The following BIRC6 variants were observed in gnomAD, a reference collection of about 807,000 sequenced individuals.
The protein encoded by BIRC6 is dual E2 ubiquitin-conjugating enzyme/E3 ubiquitin-protein ligase BIRC6.
Under a neutral mutation model 503.3 loss-of-function variants are expected in BIRC6, and 98 were observed. The ratio of observed to expected loss-of-function variants is 0.19; its 90% CI spans 0.17 to 0.23. BIRC6 has a LOEUF of 0.23. BIRC6 is among the 10% of genes least tolerant of loss of function. The probability of loss-of-function intolerance (pLI) is 1.00; values close to 1 mark genes in which losing one functional copy is unlikely to be tolerated. For synonymous variants in BIRC6, 2,240 were observed against 2,078.7 expected, an observed-to-expected ratio of 1.08 and a Z score of -2.11; for missense variants, 5,360 against 5,806.0, an observed-to-expected ratio of 0.92 and a Z score of 2.50.
rs1242727977 is a variant in BIRC6, at chr2:32,509,878, A to C, written c.10121A>C (p.His3374Pro). 1.2e-6 allele frequency: 2 copies of C among 1,613,866 alleles called. No individual in the cohort carries two copies. The highest frequency in any genetic ancestry group is 1.7e-6 in the Non-Finnish European group (2 of 1,179,888). ...TTGATGTCACCTTACTGTGGAATGC[A>C]TTCACCCAACATCGAGGTTGTGCTT... ...ALLMSPYCGM[H>P]SPNIEVVLVK... The change falls in exon 52 of 74, where the codon CAT becomes CCT. Residue 3374 changes from histidine (H) to proline (P), a missense_variant. Around this residue, in one of 16 missense-constraint regions of BIRC6, gnomAD observed 878 missense variants for 928.9 expected, o/e 0.95. Coordinates refer to ENST00000421745, the MANE Select transcript of BIRC6 (RefSeq NM_016252.4).
chr2:32,383,030 A>C (rs2037912477), intron 3 of BIRC6, among the ~76,000 whole-genome samples: 1 of 148,656 alleles, frequency 6.7e-6, no homozygotes, highest in Admixed American at 6.8e-5. Flanking sequence ...CCTGGTCCTC[A>C]GTTTATTTAA....
chr2:32,561,815 G>C (rs930314815), intron 65 of BIRC6, among the ~76,000 whole-genome samples: 1 of 150,428 alleles, frequency 6.6e-6, no homozygotes, highest in Non-Finnish European at 1.5e-5. Flanking sequence ...AGGCTGAGGC[G>C]GGCGGATCAC....
intron 6 of BIRC6, among the ~76,000 whole-genome samples, chr2:32,399,808 G>A (rs1178764203): frequency 6.6e-6 from 1 of 151,590 alleles, no homozygotes; most frequent in African/African-American, 2.4e-5. Flanking sequence ...ATTTTTTAGA[G>A]ACAGGGTCTT....
chr2:32,491,704 A>T (rs1233077562), intron 44 of BIRC6, 146 bp downstream of exon 44: 2 of 867,022 alleles, frequency 2.3e-6, no homozygotes, highest in Non-Finnish European at 3.4e-6. Flanking sequence ...GTTATTTGTA[A>T]TAATAGCTAT....
intron 49 of BIRC6, among the ~76,000 whole-genome samples, chr2:32,504,695 T>A (rs1006900904): frequency 6.6e-6 from 1 of 150,790 alleles, no homozygotes; most frequent in Non-Finnish European, 1.5e-5. Context: ...AAATAAATAA[T>A]AAAAAAAATT....
At chr2:32,600,623 G>A (rs1458606495) in intron 70 of BIRC6, among the ~76,000 whole-genome samples, 3 of 152,164 alleles carry the variant, frequency 2.0e-5, no homozygotes, top group African/African-American at 7.2e-5. Context: ...TTGAGACACT[G>A]GAACTTGAAT....
At chr2:32,538,089 A>G (rs918166950) in intron 61 of BIRC6, among the ~76,000 whole-genome samples, 9 of 152,344 alleles carry the variant, frequency 5.9e-5, no homozygotes, top group African/African-American at 1.9e-4. Context: ...ATTAGCGTCT[A>G]TACTGCTTTT....
intron 10 of BIRC6, among the ~76,000 whole-genome samples, chr2:32,423,649 T>C (rs2043171557): frequency 6.6e-6 from 1 of 152,210 alleles, no homozygotes; most frequent in Admixed American, 6.5e-5. Flanking sequence ...TGCCAAATAA[T>C]ATTCCATTAC....
At chr2:32,419,700 T>A (rs1031024191) in intron 10 of BIRC6, among the ~76,000 whole-genome samples, 2 of 152,144 alleles carry the variant, frequency 1.3e-5, no homozygotes, top group Admixed American at 6.5e-5. Flanking sequence ...CAATACTGAA[T>A]ATAAATATGA....
intron 65 of BIRC6, among the ~76,000 whole-genome samples, chr2:32,574,160 C>CTTTTTT (rs1055060322): frequency 1.3e-4 from 16 of 124,674 alleles, no homozygotes; most frequent in Non-Finnish European, 1.8e-4. Flanking sequence ...ATAACTTTTT[C>CTTTTTT]TTTTTTTTTT....
At position 32,595,044 on chromosome 2, in the gene BIRC6, G is replaced by A. The variant is rs914041808; in HGVS notation, c.13512G>A (p.Leu4504=). Residue 4504 remains leucine (L), a synonymous_variant, in exon 68 of 74, where the codon CTG becomes CTA. Transcript: ENST00000421745. ...AATATTAAATAACAGAAAAAAAACT[G>A]GGTGAATACTCCAAGAAGGCGGCTA... ...SLRQANQEKK[L]GEYSKKAAMK... The A allele has an allele frequency of 1.9e-6, 3 of 1,580,654 alleles. No homozygotes were observed. Among genetic ancestry groups the A allele is most frequent in the African/African-American group, 2.7e-5 (2 of 73,350 alleles).
intron 15 of BIRC6, among the ~76,000 whole-genome samples, chr2:32,438,852 G>A (rs528927117): frequency 1.3e-5 from 2 of 152,190 alleles, no homozygotes; most frequent in East Asian, 1.9e-4. Flanking sequence ...GAGCCACTGC[G>A]CCCGGCCTAT....
In BIRC6 at chr2:32,523,856, A is replaced by C. The variant is rs72855981; in HGVS notation, c.11624-1032A>C. Among the ~76,000 whole-genome samples, 758 of 152,244 alleles carry C rather than the reference A, an allele frequency of 5.0e-3. 5 individuals are homozygous for C. Among genetic ancestry groups the C allele is most frequent in the African/African-American group, 0.017 (724 of 41,534 alleles). On this transcript the variant is annotated intron_variant, in intron 57 of 73. Transcript: ENST00000421745. ...ATGGCTTGAGCCCAGGATTTTGACA[A>C]CAGTCTGCACAACATGGCGAAACCT...
At chr2:32,568,491 CAAAAA>C (rs59954195) in intron 65 of BIRC6, among the ~76,000 whole-genome samples, 1 of 108,892 alleles carries the variant, frequency 9.2e-6, no homozygotes, top group Non-Finnish European at 1.8e-5. Context: ...GACCTTGGCG[CAAAAA>C]AAAAAAAAAA....
Position 32,617,710 on chromosome 2 carries a change from T to C in BIRC6, c.14395-15T>C. 1 of 1,609,524 alleles carries C rather than the reference T, an allele frequency of 6.2e-7. No individual in the cohort carries two copies. ...GGGTTTGCAGTTCTAACATTAGTCC[T>C]TTTCTCCTGCATAGCGTCACACTGC... is the stretch of plus-strand genomic sequence containing the variant. On this transcript the variant is annotated splice_polypyrimidine_tract_variant and intron_variant, in intron 73 of 73. Transcript: ENST00000421745.
chr2:32,551,781 A>G (rs959648179), intron 65 of BIRC6, among the ~76,000 whole-genome samples: 22 of 152,266 alleles, frequency 1.4e-4, no homozygotes, highest in East Asian at 3.9e-4. Context: ...TTTAGTTGTC[A>G]TGTCCTTTTC....
chr2:32,582,100 C>G (rs1163344172), intron 66 of BIRC6, among the ~76,000 whole-genome samples: 1 of 152,132 alleles, frequency 6.6e-6, no homozygotes, highest in Non-Finnish European at 1.5e-5. Context: ...CTCAAGTGAT[C>G]TGCCCCCCTC....
intron 44 of BIRC6, among the ~76,000 whole-genome samples, chr2:32,493,042 G>C (rs2051947790): frequency 6.7e-6 from 1 of 150,352 alleles, no homozygotes; most frequent in South Asian, 2.1e-4. Flanking sequence ...TTTTGACTTG[G>C]TATAAATTTA....
In BIRC6 at chr2:32,525,644, G is replaced by T; in HGVS notation, c.11920+16G>T. 1.3e-6 allele frequency: 2 copies of T among 1,597,486 alleles called. No individual in the cohort carries two copies. The highest frequency in any genetic ancestry group is 2.3e-5 in the South Asian group (2 of 88,578). ...CTCTTGGCAGGTAATATTCCTCAAT[G>T]AATAAACGTCAAAGAAATTTTAGTA... On this transcript the variant is annotated intron_variant, in intron 59 of 73. Transcript: ENST00000421745.
Sources: gnomAD v4.1 joint callset for allele counts (sites outside exome capture counted in the v4.1 genomes callset) on GRCh38, gnomAD v4.1.1 for gene constraint, gnomAD v4.1.1 regional missense constraint, MANE v1.5 for transcripts, NCBI Gene and HGNC (gene_info 2026-07-23, HGNC 2026-07-21) for gene names.